Variants in MIPOL1 observed in about 807,000 individuals in gnomAD.
MIPOL1 encodes mirror-image polydactyly 1.
MIPOL1 carries 57 observed loss-of-function variants against 60.9 expected under a neutral mutation model. That is an observed-to-expected ratio of 0.94 (90% CI 0.76 to 1.17). MIPOL1 has a LOEUF of 1.17. Ranked by LOEUF, MIPOL1 falls within the 50% of genes most tolerant of loss-of-function variation. MIPOL1 has a pLI of 0.00. For synonymous variants in MIPOL1, 179 were observed against 168.8 expected, an observed-to-expected ratio of 1.06 and a Z score of -0.47; for missense variants, 551 against 511.6, an observed-to-expected ratio of 1.08 and a Z score of -0.74.
At chr14:37,382,973 A>C (rs2092965212) in intron 10 of MIPOL1, among the ~76,000 whole-genome samples, 1 of 151,734 alleles carries the variant, frequency 6.6e-6, no homozygotes, top group African/African-American at 2.4e-5. Context: ...ATTTATATTA[A>C]ATTTTTTTTT....
chr14:37,392,644 G>T (rs927062602), intron 10 of MIPOL1, among the ~76,000 whole-genome samples: 1 of 152,104 alleles, frequency 6.6e-6, no homozygotes, highest in East Asian at 1.9e-4. Context: ...TAAGTACATT[G>T]TTAGCTGTGG....
chr14:37,287,846 C>G (rs368037577), intron 7 of MIPOL1, among the ~76,000 whole-genome samples: 58 of 152,106 alleles, frequency 3.8e-4, no homozygotes, highest in South Asian at 1.5e-3. Context: ...CCAGGCTGCT[C>G]TTGAACTCCT....
At position 37,428,019 on chromosome 14, in the gene MIPOL1, T is replaced by C. The variant is rs146319800; in HGVS notation, c.1031+5070T>C. 8.2e-3 allele frequency among the ~76,000 whole-genome samples: 1,247 copies of C among 152,310 alleles called. 6 individuals carry two copies. Among genetic ancestry groups the C allele is most frequent in the Middle Eastern group, 0.014 (4 of 294 alleles). On this transcript the variant is annotated intron_variant, in intron 11 of 12. Transcript: ENST00000684589. ...ACAGCTATCCAAATCAGTTTACATT[T>C]ACATATACATTTATACATGTATATT...
intron 11 of MIPOL1, among the ~76,000 whole-genome samples, chr14:37,442,577 A>G (rs1218516365): frequency 6.6e-6 from 1 of 152,030 alleles, no homozygotes; most frequent in Non-Finnish European, 1.5e-5. Flanking sequence ...TTTTATCCTG[A>G]AGGGATGTTG....
intron 1 of MIPOL1, among the ~76,000 whole-genome samples, chr14:37,202,959 A>G (rs1001225719): frequency 2.0e-5 from 3 of 152,176 alleles, no homozygotes; most frequent in African/African-American, 7.2e-5. Context: ...ATTTCCAGCA[A>G]ATCTTATTAC....
chr14:37,499,914 C>G lies in MIPOL1; in HGVS notation c.1038C>G (p.His346Gln). The change falls in exon 12 of 13, where the codon CAC becomes CAG. Residue 346 changes from histidine (H) to glutamine (Q), a missense_variant. His to Gln is a conservative substitution (Grantham distance 24). Transcript: ENST00000684589. ...TTTTTTAATATTTTCTCAGTTTACACAAATCTTTATCTCAAGAAGAAAATC... is the reference window on the plus strand; with the variant it reads ...TTTTTTAATATTTTCTCAGTTTACAGAAATCTTTATCTCAAGAAGAAAATC... ...IQTLRVYYSL[H>Q]KSLSQEENLK... is the part of the protein sequence containing the mutation. 3.9e-6 allele frequency: 6 copies of G among 1,551,666 alleles called. No individual in the cohort carries two copies. Among genetic ancestry groups the G allele is most frequent in the Non-Finnish European group, 5.3e-6 (6 of 1,135,166 alleles).
intron 12 of MIPOL1, among the ~76,000 whole-genome samples, chr14:37,545,357 A>G (rs1368062082): frequency 1.3e-5 from 2 of 152,206 alleles, no homozygotes; most frequent in Non-Finnish European, 2.9e-5. Context: ...ATGTAGTGCT[A>G]TGAGTCATAA....
intron 12 of MIPOL1, among the ~76,000 whole-genome samples, chr14:37,516,787 TA>T (rs1215243015): frequency 6.6e-6 from 1 of 152,218 alleles, no homozygotes; most frequent in Admixed American, 6.5e-5. Context: ...AAATATGCTG[TA>T]TTTTTTTAGA....
chr14:37,382,354 A>G (rs1056241140), intron 10 of MIPOL1, among the ~76,000 whole-genome samples: 10 of 152,084 alleles, frequency 6.6e-5, no homozygotes, highest in African/African-American at 2.2e-4. Context: ...AACTAAAAAT[A>G]TATTTTTAAT....
intron 10 of MIPOL1, among the ~76,000 whole-genome samples, chr14:37,381,235 C>G (rs1420687709): frequency 6.6e-6 from 1 of 152,080 alleles, no homozygotes; most frequent in Non-Finnish European, 1.5e-5. Context: ...CTATCTTCCT[C>G]CTTACCTTCT....
At chr14:37,315,204 T>A (rs923688109) in intron 9 of MIPOL1, among the ~76,000 whole-genome samples, 2 of 152,158 alleles carry the variant, frequency 1.3e-5, no homozygotes, top group African/African-American at 2.4e-5. Flanking sequence ...TGCAGAGAGC[T>A]ATGGAAAGAG....
intron 11 of MIPOL1, among the ~76,000 whole-genome samples, chr14:37,477,687 C>T (rs563020296): frequency 6.6e-6 from 1 of 152,282 alleles, no homozygotes; most frequent in Admixed American, 6.5e-5. Flanking sequence ...GGACACAACA[C>T]ACAGTTTATT....
At chr14:37,372,582 C>T (rs1291619313) in intron 10 of MIPOL1, among the ~76,000 whole-genome samples, 1 of 151,746 alleles carries the variant, frequency 6.6e-6, no homozygotes, top group Admixed American at 6.6e-5. Context: ...AATGAAAACC[C>T]GTCTCTACTA....
chr14:37,293,674 A>T (rs572256086), intron 7 of MIPOL1, among the ~76,000 whole-genome samples: 1 of 152,280 alleles, frequency 6.6e-6, no homozygotes, highest in East Asian at 1.9e-4. Flanking sequence ...CCACACCTAG[A>T]TCGGAGGGTC....
At chr14:37,224,619 A>G (rs1367877039) in intron 1 of MIPOL1, among the ~76,000 whole-genome samples, 1 of 152,106 alleles carries the variant, frequency 6.6e-6, no homozygotes, top group Non-Finnish European at 1.5e-5. Context: ...ATTATCTCCC[A>G]TTGAGTCCCT....
intron 11 of MIPOL1, among the ~76,000 whole-genome samples, chr14:37,443,513 C>G (rs1595796791): frequency 7.4e-6 from 1 of 135,704 alleles, no homozygotes; most frequent in Non-Finnish European, 1.6e-5. Context: ...GAATTGAATT[C>G]ATAATTTAAA....
chr14:37,215,658 A>T (rs1360096525), intron 1 of MIPOL1, among the ~76,000 whole-genome samples: 2 of 152,206 alleles, frequency 1.3e-5, no homozygotes, highest in Non-Finnish European at 2.9e-5. Flanking sequence ...TTGAATATAA[A>T]TGGACTAAAC....
chr14:37,262,206 CAAAG>C (rs893385993), intron 3 of MIPOL1, among the ~76,000 whole-genome samples: 23 of 151,478 alleles, frequency 1.5e-4, no homozygotes, highest in Middle Eastern at 3.4e-3. Flanking sequence ...CACACGGAGA[CAAAG>C]AAAGTATATA....
chr14:37,345,029 A>G (rs945289133), intron 9 of MIPOL1, among the ~76,000 whole-genome samples: 1 of 152,234 alleles, frequency 6.6e-6, no homozygotes, highest in East Asian at 1.9e-4. Flanking sequence ...AAAAAAAAAA[A>G]AAATAGTGGA....
Sources: allele counts gnomAD v4.1 joint callset (sites outside exome capture counted in the v4.1 genomes callset), GRCh38; gene constraint gnomAD v4.1.1; transcripts MANE v1.5; gene names NCBI Gene and HGNC (gene_info 2026-07-23, HGNC 2026-07-21).